Variants in ADARB2 observed in about 807,000 individuals in gnomAD.
ADARB2 encodes adenosine deaminase RNA specific B2 (inactive), also known as inactive double-stranded RNA-specific editase B2.
ADARB2 carries 25 observed loss-of-function variants against 62.2 expected under a neutral mutation model. The ratio of observed to expected loss-of-function variants is 0.40; its 90% CI spans 0.29 to 0.56. The LOEUF (loss-of-function observed/expected upper bound fraction) is 0.56, where lower values mean the gene tolerates loss of function less well. Among genes scored for constraint, ADARB2 ranks in the 20% least tolerant of loss-of-function variants. ADARB2 has a pLI of 0.43. For synonymous variants in ADARB2, 572 were observed against 500.8 expected (o/e 1.14, Z -1.90); for missense variants, 1,071 against 1,077.4 (o/e 0.99, Z 0.08).
chr10:1,313,586 C>T (rs896123958), intron 3 of ADARB2, among the ~76,000 whole-genome samples: 1 of 152,052 alleles, frequency 6.6e-6, no homozygotes, highest in African/African-American at 2.4e-5. Flanking sequence ...TGAGGCACCA[C>T]CTCCTGGGAT....
chr10:1,260,612 T>C (rs1452957369), intron 4 of ADARB2, among the ~76,000 whole-genome samples: 1 of 151,938 alleles, frequency 6.6e-6, no homozygotes, highest in African/African-American at 2.4e-5. Context: ...GAAGGACCTC[T>C]TCAAGGAGAA....
intron 1 of ADARB2, among the ~76,000 whole-genome samples, chr10:1,454,856 AG>A (rs1831078400): frequency 2.0e-5 from 3 of 152,248 alleles, no homozygotes; most frequent in South Asian, 4.1e-4. Context: ...ATTTAAAAAA[AG>A]AACAGAAAAA....
At chr10:1,193,251 C>T (rs546937753) in intron 8 of ADARB2, among the ~76,000 whole-genome samples, 4 of 152,258 alleles carry the variant, frequency 2.6e-5, no homozygotes, top group East Asian at 1.9e-4. Flanking sequence ...AAGAGACCAC[C>T]GAGGAGTCGG....
intron 1 of ADARB2, among the ~76,000 whole-genome samples, chr10:1,493,759 TTTTTTTTTTTTTTTTTTG>T (rs1360685102): frequency 1.4e-4 from 10 of 69,972 alleles, no homozygotes; most frequent in Non-Finnish European, 2.9e-4. Context: ...TTTTTTTTTT[TTTTTTTTTTTTTTTTTTG>T]AGATAGGGTC....
At chr10:1,666,978 C>T (rs573684730) in intron 1 of ADARB2, among the ~76,000 whole-genome samples, 1 of 152,234 alleles carries the variant, frequency 6.6e-6, no homozygotes, top group East Asian at 1.9e-4. Context: ...CTGAAAAGAC[C>T]CCTGATGTAA....
intron 1 of ADARB2, among the ~76,000 whole-genome samples, chr10:1,632,491 C>T (rs972577907): frequency 2.0e-5 from 3 of 152,266 alleles, no homozygotes; most frequent in Non-Finnish European, 2.9e-5. Context: ...TGGATACTCA[C>T]AGCACTAGCC....
chr10:1,514,591 C>G (rs55775929), intron 1 of ADARB2, among the ~76,000 whole-genome samples: 1 of 151,886 alleles, frequency 6.6e-6, no homozygotes, highest in Middle Eastern at 3.2e-3. Flanking sequence ...TCCTGCACAG[C>G]GGCCCCTGGC....
chr10:1,533,873 G>A (rs1027471518), intron 1 of ADARB2, among the ~76,000 whole-genome samples: 11 of 152,246 alleles, frequency 7.2e-5, no homozygotes, highest in African/African-American at 2.4e-4. Context: ...GCTAGTCCAC[G>A]TTCACCACAC....
chr10:1,685,275 A>G (rs1834584515), intron 1 of ADARB2, among the ~76,000 whole-genome samples: 1 of 152,202 alleles, frequency 6.6e-6, no homozygotes, highest in African/African-American at 2.4e-5. Context: ...AAAGAAGGAC[A>G]GAGACACAGC....
intron 3 of ADARB2, among the ~76,000 whole-genome samples, chr10:1,327,236 A>C (rs1283252555): frequency 2.4e-4 from 13 of 53,694 alleles, no homozygotes; most frequent in East Asian, 4.8e-4. Context: ...TCCCCACGGC[A>C]CAGCACCTCC....
intron 8 of ADARB2, among the ~76,000 whole-genome samples, chr10:1,195,141 A>G (rs1283626472): frequency 1.3e-5 from 2 of 152,096 alleles, no homozygotes; most frequent in Non-Finnish European, 2.9e-5. Flanking sequence ...TCAGCTTCTC[A>G]GGGACTCTTA....
At chr10:1,354,907 A>G (rs1832179893) in intron 3 of ADARB2, among the ~76,000 whole-genome samples, 2 of 152,112 alleles carry the variant, frequency 1.3e-5, no homozygotes, top group Admixed American at 1.3e-4. Flanking sequence ...TCCCATGGGG[A>G]GCAAGACCCT....
chr10:1,276,491 G>C (rs1026194060), intron 3 of ADARB2, among the ~76,000 whole-genome samples: 1 of 151,980 alleles, frequency 6.6e-6, no homozygotes, highest in Admixed American at 6.6e-5. Flanking sequence ...TTCTTTTGCT[G>C]TGCAGAAGCT....
chr10:1,288,471 A>C (rs1197278584), intron 3 of ADARB2, among the ~76,000 whole-genome samples: 1 of 152,234 alleles, frequency 6.6e-6, no homozygotes, highest in South Asian at 2.1e-4. Flanking sequence ...CCTGTTTTAC[A>C]GATGAACAAG....
intron 4 of ADARB2, among the ~76,000 whole-genome samples, chr10:1,244,793 A>G (rs753669422): frequency 1.1e-4 from 16 of 152,186 alleles, no homozygotes; most frequent in East Asian, 3.8e-4. Context: ...GCTTCTGCAC[A>G]GGTGGCAGGA....
At chr10:1,624,665 T>A (rs1833745326) in intron 1 of ADARB2, among the ~76,000 whole-genome samples, 2 of 152,210 alleles carry the variant, frequency 1.3e-5, no homozygotes, top group East Asian at 1.9e-4. Context: ...ATTAAAAAAA[T>A]TATTAAATAA....
At chr10:1,585,055 C>T (rs1294897168) in intron 1 of ADARB2, among the ~76,000 whole-genome samples, 2 of 152,110 alleles carry the variant, frequency 1.3e-5, no homozygotes, top group African/African-American at 4.8e-5. Flanking sequence ...CATTTGTCTA[C>T]ACCCACAGAA....
rs145157412 is a variant in ADARB2, at chr10:1,548,793, T to A, written c.101-169633A>T. On this transcript the variant is annotated intron_variant, in intron 1 of 9. Coordinates refer to ENST00000381312, the MANE Select transcript of ADARB2 (RefSeq NM_018702.4). ...ACTCAAGGGAGGTTGGCTAATGGTG[T>A]CACGTGATGCCAGGACACCTGGCGA... is the stretch of plus-strand genomic sequence containing the variant. 4.0e-3 allele frequency among the ~76,000 whole-genome samples: 612 copies of A among 152,282 alleles called. 8 individuals carry two copies. The highest frequency in any genetic ancestry group is 0.014 in the African/African-American group (592 of 41,562).
At chr10:1,529,504 C>A (rs1832193358) in intron 1 of ADARB2, among the ~76,000 whole-genome samples, 1 of 152,148 alleles carries the variant, frequency 6.6e-6, no homozygotes, top group Non-Finnish European at 1.5e-5. Flanking sequence ...TAGCTATGGC[C>A]ATCCTTGGCC....
Sources: gnomAD v4.1 joint callset for allele counts (sites outside exome capture counted in the v4.1 genomes callset) on GRCh38, gnomAD v4.1.1 for gene constraint, MANE v1.5 for transcripts, NCBI Gene and HGNC (gene_info 2026-07-23, HGNC 2026-07-21) for gene names.